Variants in ZFYVE26 observed in about 807,000 individuals in gnomAD.
ZFYVE26 encodes zinc finger FYVE domain-containing protein 26.
A neutral mutation model predicts 276.5 loss-of-function variants in ZFYVE26; 181 were observed. That is an observed-to-expected ratio of 0.65 (90% CI 0.58 to 0.74). The LOEUF (loss-of-function observed/expected upper bound fraction) is 0.74, where lower values mean the gene tolerates loss of function less well. Among genes scored for constraint, ZFYVE26 ranks in the 30% least tolerant of loss-of-function variants. The probability of loss-of-function intolerance (pLI) is 0.00; values close to 1 mark genes in which losing one functional copy is unlikely to be tolerated. For missense variants in ZFYVE26, 2,821 were observed against 3,097.9 expected, an observed-to-expected ratio of 0.91 and a Z score of 2.12; for synonymous variants, 1,129 against 1,203.1, an observed-to-expected ratio of 0.94 and a Z score of 1.27.
intron 35 of ZFYVE26, among the ~76,000 whole-genome samples, chr14:67,759,340 A>G (rs952383974): frequency 3.3e-5 from 5 of 151,508 alleles, no homozygotes; most frequent in Non-Finnish European, 7.4e-5. Context: ...AAGACAGTGC[A>G]TGGTGGCCAG....
intron 13 of ZFYVE26, among the ~76,000 whole-genome samples, chr14:67,741,062 A>C (rs535942975): frequency 2.0e-5 from 3 of 152,342 alleles, no homozygotes; most frequent in African/African-American, 7.2e-5. Context: ...AGTATTTATT[A>C]TACTCATGCT....
chr14:67,811,890 AAT>A (rs1285813018), intron 3 of ZFYVE26, among the ~76,000 whole-genome samples: 7 of 146,676 alleles, frequency 4.8e-5, no homozygotes, highest in Admixed American at 1.4e-4. Context: ...ACAAATATAA[AAT>A]ATATGATATA....
In ZFYVE26 at chr14:67,814,044, G is replaced by C. The variant is rs570388412; in HGVS notation, c.215C>G (p.Pro72Arg). 5 of 1,613,874 alleles carry C rather than the reference G, an allele frequency of 3.1e-6. No individual in the cohort carries two copies. In the East Asian group the frequency reaches 8.9e-5, roughly 29 times the overall value. Residue 72 changes from proline (P) to arginine (R), a missense_variant, in exon 3 of 42, where the codon CCT becomes CGT. Transcript: ENST00000347230. ...NLLRCGQDIN[P>R]QRVAWVWLLV... is the part of the protein sequence containing the mutation. ...AAGCCAGACCCAGGCTACTCTTTGA[G>C]GGTTGATGTCCTGCCCACATCTGAA...
chr14:67,761,024 A>C, intron 35 of ZFYVE26: 1 of 577,774 alleles, frequency 1.7e-6, no homozygotes. Flanking sequence ...GTGGAAGCAG[A>C]CTCTAAGCAA....
At chr14:67,755,381 C>T in intron 36 of ZFYVE26, 131 bp from the exon 37 acceptor site, 1 of 1,089,984 alleles carries the variant, frequency 9.2e-7, no homozygotes, top group Non-Finnish European at 1.4e-6. Context: ...ACCAGCTGAA[C>T]TGCTATTTTG....
At chr14:67,762,595 C>T in intron 33 of ZFYVE26, 77 bp downstream of exon 33, 3 of 1,603,648 alleles carry the variant, frequency 1.9e-6, no homozygotes, top group East Asian at 2.2e-5. Context: ...GAGACGGCAA[C>T]ACCTGTTTGC....
intron 16 of ZFYVE26, among the ~76,000 whole-genome samples, chr14:67,787,406 T>C (rs978907693): frequency 3.3e-5 from 5 of 151,920 alleles, no homozygotes; most frequent in African/African-American, 7.3e-5. Context: ...TTTAATAGCA[T>C]AACATGGGGG....
Position 67,807,422 on chromosome 14 carries a change from G to A in ZFYVE26, c.862C>T (p.Pro288Ser). 4 of 1,614,206 alleles carry A rather than the reference G, an allele frequency of 2.5e-6. No individual in the cohort carries two copies. Among genetic ancestry groups the A allele is most frequent in the East Asian group, 2.2e-5 (1 of 44,886 alleles). The change falls in exon 5 of 42, where the codon CCG (proline) becomes TCG (serine). Residue 288 changes from proline to serine, a missense_variant. Coordinates refer to ENST00000347230, the MANE Select transcript of ZFYVE26 (RefSeq NM_015346.4). ...CCTTTTCCCGAGGCTGTAGCCCTCGGTGGCTTTTCTGTGACCTTCTCTGCA... is the reference window on the plus strand; with the variant it reads ...CCTTTTCCCGAGGCTGTAGCCCTCGATGGCTTTTCTGTGACCTTCTCTGCA... ...TYAEKVTEKP[P>S]RATASGKVSP...
rs1214930730 is a variant in ZFYVE26, at chr14:67,789,491, C to A, written c.2863G>T (p.Glu955Ter). The change falls in exon 16 of 42, where the codon GAG becomes TAG. Residue 955 changes from glutamate to a stop codon, truncating the protein, a stop_gained. Transcript: ENST00000347230. LOFTEE classifies it high-confidence loss of function. ...EDFWISTALVEPTAPLREVLE... is the reference protein window; with the variant it reads ...EDFWISTALV The stretch of plus-strand genomic sequence containing the variant: ...ACCTCTCTCAGGGGAGCAGTGGGCT[C>A]CACTAGAGCCGTGCTTATCCAAAAG... 1 of 1,614,194 alleles carries A rather than the reference C, an allele frequency of 6.2e-7. No individual in the cohort carries two copies. Among genetic ancestry groups the A allele is most frequent in the East Asian group, 2.2e-5 (1 of 44,886 alleles).
chr14:67,795,913 G>A (rs778228030), intron 12 of ZFYVE26, among the ~76,000 whole-genome samples: 2 of 152,144 alleles, frequency 1.3e-5, no homozygotes, highest in Non-Finnish European at 1.5e-5. Flanking sequence ...CAATAAATAT[G>A]TGAAAAGATA....
chr14:67,803,788 C>T (rs534753839), intron 9 of ZFYVE26, among the ~76,000 whole-genome samples: 11 of 152,278 alleles, frequency 7.2e-5, no homozygotes, highest in African/African-American at 2.2e-4. Flanking sequence ...ACTAACAATG[C>T]TGTGTATTCA....
At chr14:67,815,067 T>A (rs145677936) in intron 2 of ZFYVE26, among the ~76,000 whole-genome samples, 1 of 152,320 alleles carries the variant, frequency 6.6e-6, no homozygotes, top group Admixed American at 6.5e-5. Flanking sequence ...GTTGTATAAA[T>A]ACAAAGAGGT....
At position 67,756,151 on chromosome 14, in the gene ZFYVE26, G is replaced by A. The variant is rs766195517; in HGVS notation, c.6589-6C>T. The A allele has an allele frequency of 6.2e-6, 10 of 1,613,922 alleles. No homozygotes were observed. In the East Asian group the frequency reaches 8.9e-5, roughly 14 times the overall value. On this transcript the variant is annotated splice_polypyrimidine_tract_variant and splice_region_variant and intron_variant, in intron 35 of 41. Transcript: ENST00000347230. ...AAAACTTCTGGAGGACTCTCCTGGAGCAGGGCAGGGCGAGAAGTCAGAAGT... is the reference window on the plus strand; with the variant it reads ...AAAACTTCTGGAGGACTCTCCTGGAACAGGGCAGGGCGAGAAGTCAGAAGT...
chr14:67,777,201 C>G, intron 25 of ZFYVE26, among the ~76,000 whole-genome samples: 1 of 152,230 alleles, frequency 6.6e-6, no homozygotes, highest in Middle Eastern at 3.4e-3. Context: ...GTATTTTTTT[C>G]TTAAGTCCAG....
In ZFYVE26 at chr14:67,813,947, T is replaced by C. The variant is rs543632246; in HGVS notation, c.273+39A>G. The C allele has an allele frequency of 4.1e-6, 6 of 1,451,910 alleles. No homozygotes were observed. In the African/African-American group the frequency reaches 8.3e-5, roughly 20 times the overall value. 89.9% of individuals were successfully genotyped at this position (1,451,910 alleles called of 1,614,324 possible). A position where few individuals can be genotyped will look rare whatever the true frequency, so the allele number is the denominator to read the frequency against. On this transcript the variant is annotated intron_variant, in intron 3 of 41. Transcript: ENST00000347230. The stretch of plus-strand genomic sequence containing the variant: ...ACAACTACTTTCAAGTTCTTCTCAG[T>C]CCTGGCCTCGGAGGAAAATTTAATA...
chr14:67,799,109 C>G, intron 10 of ZFYVE26: 3 of 1,320,768 alleles, frequency 2.3e-6, no homozygotes, highest in Non-Finnish European at 3.3e-6. Context: ...CACCCAAGAC[C>G]TAGACTAGGA....
At chr14:67,809,898 C>A (rs970617837) in intron 3 of ZFYVE26, among the ~76,000 whole-genome samples, 1 of 151,270 alleles carries the variant, frequency 6.6e-6, no homozygotes, top group African/African-American at 2.4e-5. Flanking sequence ...GATTCTCCTG[C>A]CTCAGGCTCC....
At position 67,783,177 on chromosome 14, in the gene ZFYVE26, C is replaced by T. The variant is rs954507732; in HGVS notation, c.3975G>A (p.Pro1325=). Residue 1325 remains proline (P), a synonymous_variant, in exon 21 of 42, where the codon CCG becomes CCA. Transcript: ENST00000347230. ...AGCTGGGTTTGCTGACCTTTAACCT[C>T]GGGGAAGCCCCCAGGCAGGCCACCG... The part of the protein sequence containing the change: ...LATVACLGAS[P]RLKVSKPSLS... The T allele has an allele frequency of 1.9e-5, 31 of 1,609,186 alleles. No individual in the cohort carries two copies. The highest frequency in any genetic ancestry group is 1.3e-4 in the Admixed American group (8 of 59,694).
intron 2 of ZFYVE26, among the ~76,000 whole-genome samples, chr14:67,814,286 AG>A (rs2040356937): frequency 1.3e-5 from 2 of 152,308 alleles, no homozygotes; most frequent in South Asian, 4.1e-4. Context: ...TGGGAGGCTG[AG>A]GTGGGTGGAT....
Sources: gnomAD v4.1 joint callset for allele counts (sites outside exome capture counted in the v4.1 genomes callset) on GRCh38, gnomAD v4.1.1 for gene constraint, MANE v1.5 for transcripts, NCBI Gene and HGNC (gene_info 2026-07-23, HGNC 2026-07-21) for gene names.